Variants in SNX29 observed in about 807,000 individuals in gnomAD.
The protein encoded by SNX29 is sorting nexin-29.
A neutral mutation model predicts 102.1 loss-of-function variants in SNX29; 78 were observed. The observed-to-expected ratio is 0.76, with a 90% CI of 0.64 to 0.92. The LOEUF is 0.92. SNX29 is among the 40% of genes least tolerant of loss of function. The pLI is 0.00. For synonymous variants in SNX29, 580 were observed against 414.5 expected (o/e 1.40, Z -4.85); for missense variants, 1,280 against 1,061.7 (o/e 1.21, Z -2.86).
At chr16:11,979,573 GTTTA>G (rs762763460) in intron 1 of SNX29, among the ~76,000 whole-genome samples, 11 of 151,960 alleles carry the variant, frequency 7.2e-5, no homozygotes, top group African/African-American at 1.5e-4. Context: ...ATAATATTTT[GTTTA>G]TTTATTTATT....
intron 20 of SNX29, among the ~76,000 whole-genome samples, chr16:12,539,248 C>G (rs1214870117): frequency 6.6e-6 from 1 of 152,176 alleles, no homozygotes; most frequent in South Asian, 2.1e-4. Context: ...CCCTAAAAAG[C>G]TGTTTTCCCC....
intron 20 of SNX29, among the ~76,000 whole-genome samples, chr16:12,552,581 A>T (rs2078049071): frequency 6.6e-6 from 1 of 151,200 alleles, no homozygotes; most frequent in Non-Finnish European, 1.5e-5. Flanking sequence ...TGCTGCCCTC[A>T]TGGAGTTTAT....
At position 12,277,340 on chromosome 16, in the gene SNX29, T is replaced by C. The variant is rs1442551183; in HGVS notation, c.1679-593T>C. Among the ~76,000 whole-genome samples the C allele has an allele frequency of 3.9e-5, 6 of 152,018 alleles. No homozygotes were observed. The South Asian group carries it at 1.3e-3, about 32-fold the overall frequency. On this transcript the variant is annotated intron_variant, in intron 14 of 20. Coordinates refer to ENST00000566228, the MANE Select transcript of SNX29 (RefSeq NM_032167.5). ...GTTTGAGCCCAGGAGTTCGAGGCTG[T>C]AGTGAGCTAAATGATTGATTGTGCC... is the stretch of plus-strand genomic sequence containing the variant.
At chr16:12,466,128 C>T (rs2087040647) in intron 18 of SNX29, among the ~76,000 whole-genome samples, 1 of 152,166 alleles carries the variant, frequency 6.6e-6, no homozygotes, top group African/African-American at 2.4e-5. Flanking sequence ...CAATATAGTA[C>T]TGGAAGTCCC....
At chr16:12,099,589 G>A (rs981733358) in intron 11 of SNX29, among the ~76,000 whole-genome samples, 5 of 152,142 alleles carry the variant, frequency 3.3e-5, no homozygotes, top group African/African-American at 4.8e-5. Flanking sequence ...GTTCTGGCCC[G>A]GACTCCCGGT....
At chr16:12,386,932 C>T (rs539927205) in intron 16 of SNX29, among the ~76,000 whole-genome samples, 8 of 152,128 alleles carry the variant, frequency 5.3e-5, no homozygotes, top group African/African-American at 1.7e-4. Context: ...CAAGACTAGC[C>T]TGGCTGACAT....
At chr16:12,568,481 C>T (rs765473025) in intron 20 of SNX29, 25 bp from the exon 21 acceptor site, 6 of 1,607,906 alleles carry the variant, frequency 3.7e-6, no homozygotes, top group Non-Finnish European at 5.1e-6. Flanking sequence ...CCAGACTTAA[C>T]CCGATTCTCT....
intron 16 of SNX29, among the ~76,000 whole-genome samples, chr16:12,385,993 A>G (rs1365071182): frequency 1.3e-5 from 2 of 152,216 alleles, no homozygotes; most frequent in African/African-American, 4.8e-5. Context: ...AACCCAGCTC[A>G]ATATGCATGG....
At chr16:12,120,756 C>T (rs1013911442) in intron 11 of SNX29, among the ~76,000 whole-genome samples, 3 of 152,094 alleles carry the variant, frequency 2.0e-5, no homozygotes, top group Admixed American at 6.5e-5. Context: ...TGGTCACTGC[C>T]GAGAAAGGAG....
chr16:12,184,730 C>G (rs1006314146), intron 13 of SNX29, among the ~76,000 whole-genome samples: 7 of 152,206 alleles, frequency 4.6e-5, no homozygotes, highest in Non-Finnish European at 1.0e-4. Context: ...CTAGAAATGC[C>G]TTCTGTAGTT....
At chr16:12,119,718 T>TG (rs111914113) in intron 11 of SNX29, among the ~76,000 whole-genome samples, 3 of 152,244 alleles carry the variant, frequency 2.0e-5, no homozygotes, top group African/African-American at 7.2e-5. Context: ...ACTGCCCGCT[T>TG]GGGGGGACAG....
rs771421454 is a variant in SNX29 at position 12,408,156 on chromosome 16, T to TC, written c.2037+4628dup. Among the ~76,000 whole-genome samples the TC allele has an allele frequency of 6.2e-3, 463 of 74,444 alleles. 2 individuals carry two copies. The highest frequency in any genetic ancestry group is 9.8e-3 in the Non-Finnish European group (313 of 31,930). The allele number at this position is 74,444 out of a possible 152,430, so 48.8% of individuals were successfully genotyped here. A position where few individuals can be genotyped will look rare whatever the true frequency, so the allele number is the denominator to read the frequency against. On this transcript the variant is annotated intron_variant, in intron 18 of 20. Coordinates refer to ENST00000566228, the MANE Select transcript of SNX29 (RefSeq NM_032167.5). ...CCTGGGTGGCAGAGCAGGACCCTTCTCAAAAAAACAAACAAACAAACAAAA... is the reference window on the plus strand; with the variant it reads ...CCTGGGTGGCAGAGCAGGACCCTTCTCCAAAAAAACAAACAAACAAACAAAA...
At chr16:12,257,036 G>A (rs2078594601) in intron 14 of SNX29, among the ~76,000 whole-genome samples, 1 of 152,212 alleles carries the variant, frequency 6.6e-6, no homozygotes, top group Admixed American at 6.5e-5. Flanking sequence ...TGAATGAGGT[G>A]GTGGCAGGGT....
intron 15 of SNX29, among the ~76,000 whole-genome samples, chr16:12,315,444 T>TA (rs1156958253): frequency 1.3e-5 from 2 of 152,212 alleles, no homozygotes; most frequent in Non-Finnish European, 2.9e-5. Context: ...GCTCATTTGT[T>TA]ATGTGGATGG....
chr16:12,076,904 C>T (rs2051600834), intron 10 of SNX29, among the ~76,000 whole-genome samples: 1 of 152,108 alleles, frequency 6.6e-6, no homozygotes, highest in Non-Finnish European at 1.5e-5. Context: ...GGAAGCTTGT[C>T]GCAGTTAGTT....
intron 14 of SNX29, among the ~76,000 whole-genome samples, chr16:12,225,963 G>A (rs1041902261): frequency 2.6e-5 from 4 of 152,132 alleles, no homozygotes; most frequent in Non-Finnish European, 4.4e-5. Context: ...GTTTTACACT[G>A]GGAAACTAGC....
chr16:12,115,075 G>T (rs901579704), intron 11 of SNX29, among the ~76,000 whole-genome samples: 1 of 152,116 alleles, frequency 6.6e-6, no homozygotes, highest in Admixed American at 6.5e-5. Flanking sequence ...TAAGGGACTC[G>T]CTGGTTCCTT....
intron 6 of SNX29, 41 bp from the exon 7 acceptor site, chr16:12,048,331 C>G (rs1567562675): frequency 1.2e-6 from 2 of 1,613,460 alleles, no homozygotes; most frequent in Non-Finnish European, 1.7e-6. Flanking sequence ...GTATGACTGC[C>G]CATCAGCAAG....
rs116723547 is a variant in SNX29 at position 12,564,785 on chromosome 16, C to T, written c.2319-3721C>T. On this transcript the variant is annotated intron_variant, in intron 20 of 20. Transcript: ENST00000566228. ...TGATTGGCTTTATGATTGCAGCCAGCTAAGAAATGGTGTTGTCATTCCAGA... is the reference window on the plus strand; with the variant it reads ...TGATTGGCTTTATGATTGCAGCCAGTTAAGAAATGGTGTTGTCATTCCAGA... Among the ~76,000 whole-genome samples the T allele has an allele frequency of 3.9e-3, 587 of 151,718 alleles. 6 individuals are homozygous for T. Among genetic ancestry groups the T allele is most frequent in the African/African-American group, 0.013 (549 of 41,378 alleles).
Sources: allele counts gnomAD v4.1 joint callset (sites outside exome capture counted in the v4.1 genomes callset), GRCh38; gene constraint gnomAD v4.1.1; transcripts MANE v1.5; gene names NCBI Gene and HGNC (gene_info 2026-07-23, HGNC 2026-07-21).